Variants in MAP1B observed in about 807,000 individuals in gnomAD.
The protein encoded by MAP1B is microtubule associated protein 1B, also known as microtubule-associated protein 1B.
MAP1B carries 12 observed loss-of-function variants against 176.1 expected under a neutral mutation model. The ratio of observed to expected loss-of-function variants is 0.07; its 90% CI spans 0.04 to 0.11. The LOEUF (loss-of-function observed/expected upper bound fraction) is 0.11. Among genes scored for constraint, MAP1B ranks in the 10% least tolerant of loss-of-function variants. The pLI is 1.00. For missense variants in MAP1B, 2,523 were observed against 2,990.5 expected, an observed-to-expected ratio of 0.84 and a Z score of 3.65; for synonymous variants, 1,044 against 1,135.0, an observed-to-expected ratio of 0.92 and a Z score of 1.61.
intron 2 of MAP1B, among the ~76,000 whole-genome samples, chr5:72,141,725 A>G (rs1318511982): frequency 3.3e-5 from 5 of 152,206 alleles, no homozygotes; most frequent in African/African-American, 7.2e-5. Context: ...AGGTTCTGAG[A>G]CGATTGTATG....
intron 2 of MAP1B, among the ~76,000 whole-genome samples, chr5:72,122,266 T>A (rs1263469689): frequency 6.6e-6 from 1 of 152,034 alleles, no homozygotes; most frequent in African/African-American, 2.4e-5. Flanking sequence ...GATCGGCAGC[T>A]CCTCATGCTG....
chr5:72,158,692 G>A (rs1056946697), intron 2 of MAP1B, among the ~76,000 whole-genome samples: 1 of 152,180 alleles, frequency 6.6e-6, no homozygotes, highest in African/African-American at 2.4e-5. Context: ...TATGGAAGGC[G>A]ACAGGTAGGA....
At chr5:72,157,451 C>T (rs1004644707) in intron 2 of MAP1B, among the ~76,000 whole-genome samples, 29 of 152,220 alleles carry the variant, frequency 1.9e-4, no homozygotes, top group African/African-American at 7.0e-4. Flanking sequence ...GCAGCAAACA[C>T]AGGTCAACAG....
chr5:72,142,550 C>T (rs1440701608), intron 2 of MAP1B, among the ~76,000 whole-genome samples: 1 of 151,978 alleles, frequency 6.6e-6, no homozygotes. Flanking sequence ...AAAGTTAAAC[C>T]TTAAAAAGAC....
chr5:72,154,198 C>T (rs1297486590), intron 2 of MAP1B, among the ~76,000 whole-genome samples: 3 of 152,114 alleles, frequency 2.0e-5, no homozygotes, highest in Non-Finnish European at 4.4e-5. Flanking sequence ...TGTAGACACC[C>T]TCAGATTTCT....
At chr5:72,163,930 CTTTT>C (rs869167918) in intron 2 of MAP1B, among the ~76,000 whole-genome samples, 546 of 43,696 alleles carry the variant, frequency 0.012, 1 homozygote, top group Middle Eastern at 0.019. Flanking sequence ...TTTTTTTTTT[CTTTT>C]TTTTTTTTTT....
intron 4 of MAP1B, among the ~76,000 whole-genome samples, chr5:72,188,992 G>T (rs1255165384): frequency 6.6e-6 from 1 of 152,152 alleles, no homozygotes; most frequent in Non-Finnish European, 1.5e-5. Context: ...TTGGAAAAAT[G>T]GTTGAGTAAC....
intron 2 of MAP1B, among the ~76,000 whole-genome samples, chr5:72,178,050 C>T (rs1028020688): frequency 7.2e-5 from 11 of 151,996 alleles, no homozygotes; most frequent in South Asian, 2.1e-4. Flanking sequence ...TTGCCCAGGC[C>T]GGAGTGCAAT....
At chr5:72,152,595 C>T (rs1164768830) in intron 2 of MAP1B, among the ~76,000 whole-genome samples, 12 of 152,094 alleles carry the variant, frequency 7.9e-5, no homozygotes, top group African/African-American at 2.4e-4. Context: ...TATAGGCACC[C>T]GCCAACACGC....
At chr5:72,183,111 G>A (rs1459128739) in intron 2 of MAP1B, among the ~76,000 whole-genome samples, 1 of 152,214 alleles carries the variant, frequency 6.6e-6, no homozygotes, top group Non-Finnish European at 1.5e-5. Flanking sequence ...TCTGTCCACT[G>A]TGCATGTTTT....
rs1307188011 is a variant in MAP1B, at chr5:72,204,900, G to A, written c.7252-184G>A. Among the ~76,000 whole-genome samples, 2 of 152,126 alleles carry A rather than the reference G, an allele frequency of 1.3e-5. No homozygotes were observed. The highest frequency in any genetic ancestry group is 2.9e-5 in the Non-Finnish European group (2 of 68,018). On this transcript the variant is annotated intron_variant, in intron 6 of 6. Transcript: ENST00000296755. This position sits in a 1 kb window ranked among gnomAD's most constrained non-coding sequence, Gnocchi z 4.4. ...CCCTTAGAAACAATAGCTTTTCTTT[G>A]CAGCTTTATTCTGGTTCCTGGAAAA...
At chr5:72,139,966 C>CT (rs879699021) in intron 2 of MAP1B, among the ~76,000 whole-genome samples, 2,523 of 146,184 alleles carry the variant, frequency 0.017, 69 homozygotes, top group African/African-American at 0.059. Context: ...GTATTACAAA[C>CT]TTTTTTTTTT....
intron 2 of MAP1B, among the ~76,000 whole-genome samples, chr5:72,156,352 C>T (rs1313490518): frequency 6.6e-6 from 1 of 152,146 alleles, no homozygotes; most frequent in Non-Finnish European, 1.5e-5. Flanking sequence ...AAAATAGAAA[C>T]CTGTCTGACT....
chr5:72,182,799 C>T (rs967948985), intron 2 of MAP1B, among the ~76,000 whole-genome samples: 4 of 152,190 alleles, frequency 2.6e-5, no homozygotes, highest in African/African-American at 9.7e-5. Flanking sequence ...CCCAACCATG[C>T]GTCTCCCTCC....
rs577424029 is a variant in MAP1B at position 72,123,230 on chromosome 5, G to GA, written c.286+7435dup. ...TTCCCACTGTTTATAATTTTGTTGGGAAAATAAGTCATTCACAGCTTTAAA... is the reference window on the plus strand; with the variant it reads ...TTCCCACTGTTTATAATTTTGTTGGGAAAAATAAGTCATTCACAGCTTTAAA... On this transcript the variant is annotated intron_variant, in intron 2 of 6. Transcript: ENST00000296755. Among the ~76,000 whole-genome samples the GA allele has an allele frequency of 2.3e-4, 35 of 152,310 alleles. 1 individual carries two copies. In the South Asian group the frequency reaches 7.0e-3, roughly 31 times the overall value.
At position 72,197,131 on chromosome 5, in the gene MAP1B, T is replaced by A. The variant is rs35502434; in HGVS notation, c.3776T>A (p.Leu1259Gln). Reference protein sequence around the residue: ...EKVSPSKSPSLSPSPPSPLEK... With the variant: ...EKVSPSKSPSQSPSPPSPLEK... ...GTCAGCCCATCGAAGAGCCCGTCCC[T>A]GAGTCCATCTCCACCATCACCCTTA... Residue 1259 changes from leucine (L) to glutamine (Q), a missense_variant, in exon 5 of 7, where the codon CTG becomes CAG. Coordinates refer to ENST00000296755, the MANE Select transcript of MAP1B (RefSeq NM_005909.5). The A allele has an allele frequency of 2.5e-6, 4 of 1,614,216 alleles. No individual in the cohort carries two copies. The South Asian group carries it at 4.4e-5, about 18-fold the overall frequency.
intron 2 of MAP1B, among the ~76,000 whole-genome samples, chr5:72,128,408 TAAA>T (rs35834892): frequency 9.9e-5 from 14 of 141,214 alleles, no homozygotes; most frequent in African/African-American, 2.8e-4. Context: ...GATATTGTTT[TAAA>T]AAAAAAAAAA....
chr5:72,201,308 G>A (rs1251147911), intron 5 of MAP1B, among the ~76,000 whole-genome samples: 1 of 151,780 alleles, frequency 6.6e-6, no homozygotes, highest in Admixed American at 6.6e-5. Context: ...AGAGATCAAG[G>A]CTGCAGTGAG....
intron 2 of MAP1B, among the ~76,000 whole-genome samples, chr5:72,167,515 CT>C (rs1162633913): frequency 1.3e-5 from 2 of 152,218 alleles, no homozygotes; most frequent in Non-Finnish European, 2.9e-5. Context: ...AATCATCCAT[CT>C]GTAAGAAAAC....
Sources: allele counts gnomAD v4.1 joint callset (sites outside exome capture counted in the v4.1 genomes callset), GRCh38; gene constraint gnomAD v4.1.1; non-coding constraint Gnocchi (gnomAD v3.1); transcripts MANE v1.5; gene names NCBI Gene and HGNC (gene_info 2026-07-23, HGNC 2026-07-21).